TMEM14B: variants seen among roughly 807,000 people sequenced by gnomAD.
The protein encoded by TMEM14B is transmembrane protein 14B.
A neutral mutation model predicts 14.8 loss-of-function variants in TMEM14B; 9 were observed. The observed-to-expected ratio is 0.61, with a 90% CI of 0.37 to 1.06. The LOEUF is 1.06. Ranked by LOEUF, TMEM14B falls within the 50% of genes least tolerant of loss-of-function variation. TMEM14B has a pLI of 0.01. For missense variants in TMEM14B, 128 were observed against 143.6 expected (o/e 0.89, Z 0.56); for synonymous variants, 40 against 51.3 (o/e 0.78, Z 0.94).
At chr6:10,750,593 A>T (rs946366621) in intron 3 of TMEM14B, among the ~76,000 whole-genome samples, 15 of 151,986 alleles carry the variant, frequency 9.9e-5, no homozygotes, top group Non-Finnish European at 1.9e-4. Flanking sequence ...TATCAATCGG[A>T]CGAATTCCTG....
intron 3 of TMEM14B, 127 bp downstream of exon 3, chr6:10,749,825 AG>A (rs749635374): frequency 1.9e-4 from 214 of 1,102,620 alleles, no homozygotes; most frequent in Non-Finnish European, 2.7e-4. Flanking sequence ...GCTGGAGTGC[AG>A]GCTTCCTTGT....
chr6:10,758,736 G>T (rs150293406), downstream of TMEM14B, among the ~76,000 whole-genome samples: 111 of 152,246 alleles, frequency 7.3e-4, no homozygotes, highest in Admixed American at 5.2e-3. Flanking sequence ...GTTAAGCTGA[G>T]TCTTGTCAGT....
chr6:10,757,030 G>T, downstream of TMEM14B: 10 of 957,016 alleles, frequency 1.0e-5, no homozygotes, highest in Non-Finnish European at 1.2e-5. Context: ...CATAGAATGA[G>T]ATGTTGCTAG....
At position 10,756,972 on chromosome 6, in the gene TMEM14B, A is replaced by G. The variant is rs1208532868; in HGVS notation, c.*454A>G. ...AATATCAATGAAAATAAAGTTTACT[A>G]TAAATAATATTTCCTATGGTGTCTT... On this transcript the variant is annotated 3_prime_UTR_variant, in exon 6 of 6. Transcript: ENST00000379542. The G allele has an allele frequency of 5.1e-6, 5 of 983,948 alleles. No individual in the cohort carries two copies. Among genetic ancestry groups the G allele is most frequent in the East Asian group, 2.3e-4 (2 of 8,838 alleles). The allele number at this position is 983,948 out of a possible 1,614,324, so 61.0% of individuals were successfully genotyped here. A position where few individuals can be genotyped will look rare whatever the true frequency, so the allele number is the denominator to read the frequency against.
At chr6:10,751,850 G>A (rs1040957114) in intron 4 of TMEM14B, among the ~76,000 whole-genome samples, 14 of 152,118 alleles carry the variant, frequency 9.2e-5, no homozygotes, top group South Asian at 4.1e-4. Flanking sequence ...AGCACGGACA[G>A]TGAGGACAGT....
chr6:10,757,044 T>C (rs1771833034), downstream of TMEM14B: 18 of 940,584 alleles, frequency 1.9e-5, no homozygotes, highest in Non-Finnish European at 2.3e-5. Flanking sequence ...TTGCTAGATA[T>C]AGAAACTTGA....
chr6:10,757,479 C>CA (rs2127497327), downstream of TMEM14B, among the ~76,000 whole-genome samples: 1 of 151,128 alleles, frequency 6.6e-6, no homozygotes, highest in African/African-American at 2.4e-5. Flanking sequence ...GACTGTGTAG[C>CA]AAAAAAAGAA....
chr6:10,755,143 C>A lies in TMEM14B; in HGVS notation c.204C>A (p.Ala68=). 1 of 1,613,538 alleles carries A rather than the reference C, an allele frequency of 6.2e-7. No individual in the cohort carries two copies. ...GACCCTTCTTTGTATCTTTTTCAGC[C>A]GCTACATCTGTTACTTTTGTTGGTG... ...QDPRNVWGFL[A]ATSVTFVGVM... Residue 68 remains alanine (A), a splice_region_variant and synonymous_variant, in exon 5 of 6, where the codon GCC becomes GCA. Coordinates refer to ENST00000379542, the MANE Select transcript of TMEM14B (RefSeq NM_030969.5).
chr6:10,754,435 C>A (rs772453177), intron 4 of TMEM14B, among the ~76,000 whole-genome samples: 1 of 152,188 alleles, frequency 6.6e-6, no homozygotes, highest in Non-Finnish European at 1.5e-5. Context: ...ACCACAGGGC[C>A]TCTGCATATA....
chr6:10,750,282 G>C (rs1022427317), intron 3 of TMEM14B, among the ~76,000 whole-genome samples: 1 of 151,900 alleles, frequency 6.6e-6, no homozygotes. Flanking sequence ...TGATTAGAAA[G>C]TGTTGTACTT....
At chr6:10,753,921 G>C (rs1771696478) in intron 4 of TMEM14B, among the ~76,000 whole-genome samples, 1 of 152,110 alleles carries the variant, frequency 6.6e-6, no homozygotes, top group Non-Finnish European at 1.5e-5. Context: ...GTATCCCCAT[G>C]TACCCTCTAG....
At chr6:10,749,824 C>T in intron 3 of TMEM14B, 126 bp downstream of exon 3, 9 of 1,107,900 alleles carry the variant, frequency 8.1e-6, no homozygotes, top group Non-Finnish European at 1.2e-5. Flanking sequence ...AGCTGGAGTG[C>T]AGGCTTCCTT....
At chr6:10,757,324 A>G (rs1181082470), downstream of TMEM14B, among the ~76,000 whole-genome samples, 1 of 151,790 alleles carries the variant, frequency 6.6e-6, no homozygotes, top group African/African-American at 2.4e-5. Flanking sequence ...CCACCTCGCT[A>G]ATTTATTTTA....
At chr6:10,757,939 C>T (rs60190072), downstream of TMEM14B, among the ~76,000 whole-genome samples, 118 of 150,766 alleles carry the variant, frequency 7.8e-4, no homozygotes, top group African/African-American at 2.2e-3. Context: ...TGCAGCGAGC[C>T]GAGATCACGC....
At chr6:10,754,827 G>T (rs907770163) in intron 4 of TMEM14B, among the ~76,000 whole-genome samples, 9 of 152,244 alleles carry the variant, frequency 5.9e-5, no homozygotes, top group Admixed American at 3.9e-4. Flanking sequence ...GATAGCATCT[G>T]CAGGGCATGA....
chr6:10,749,058 A>T (rs1581609802), intron 1 of TMEM14B, 144 bp from the exon 2 acceptor site: 2 of 572,662 alleles, frequency 3.5e-6, no homozygotes, highest in Non-Finnish European at 6.3e-6. Context: ...CAACACCCCC[A>T]GGAAATTGGT....
intron 5 of TMEM14B, 134 bp downstream of exon 5, chr6:10,755,366 A>G: frequency 6.5e-7 from 1 of 1,540,726 alleles, no homozygotes; most frequent in Non-Finnish European, 8.7e-7. Context: ...TTATACACTA[A>G]TAGGAGATGC....
chr6:10,752,375 T>C (rs186594749), intron 4 of TMEM14B, among the ~76,000 whole-genome samples: 180 of 151,996 alleles, frequency 1.2e-3, no homozygotes, highest in Non-Finnish European at 2.0e-3. Context: ...TCCTGTCTTG[T>C]ATTTGTATTC....
downstream of TMEM14B, among the ~76,000 whole-genome samples, chr6:10,757,841 A>G (rs1489893807): frequency 6.6e-6 from 1 of 152,136 alleles, no homozygotes; most frequent in African/African-American, 2.4e-5. Flanking sequence ...AAATTCAAAA[A>G]TTAGCTGGGT....
Sources: gnomAD v4.1 joint callset for allele counts (sites outside exome capture counted in the v4.1 genomes callset) on GRCh38, gnomAD v4.1.1 for gene constraint, MANE v1.5 for transcripts, NCBI Gene and HGNC (gene_info 2026-07-23, HGNC 2026-07-21) for gene names.